TCP11L1: variants seen among roughly 807,000 people sequenced by gnomAD.
TCP11L1 encodes the protein t-complex 11 like 1.
Under a neutral mutation model 48.9 loss-of-function variants are expected in TCP11L1, and 28 were observed. The ratio of observed to expected loss-of-function variants is 0.57; its 90% CI spans 0.42 to 0.78. The LOEUF (loss-of-function observed/expected upper bound fraction) is 0.78. TCP11L1 is among the 30% of genes least tolerant of loss of function. The probability of loss-of-function intolerance (pLI) is 0.00; values close to 1 mark genes in which losing one functional copy is unlikely to be tolerated. For missense variants in TCP11L1, 505 were observed against 613.4 expected (o/e 0.82, Z 1.87); for synonymous variants, 204 against 231.9 (o/e 0.88, Z 1.09).
intron 1 of TCP11L1, among the ~76,000 whole-genome samples, chr11:33,042,630 A>G (rs1248647878): frequency 6.6e-6 from 1 of 152,146 alleles, no homozygotes; most frequent in Non-Finnish European, 1.5e-5. Flanking sequence ...CCTCTTAAAC[A>G]TTTCATAAGA....
At chr11:33,071,640 A>C (rs1189217489) in intron 9 of TCP11L1, among the ~76,000 whole-genome samples, 1 of 152,234 alleles carries the variant, frequency 6.6e-6, no homozygotes, top group Admixed American at 6.5e-5. Context: ...ACTTCCATGC[A>C]GGCATCAGAG....
At chr11:33,062,298 T>TC (rs1854490537) in intron 7 of TCP11L1, among the ~76,000 whole-genome samples, 3 of 113,814 alleles carry the variant, frequency 2.6e-5, no homozygotes, top group Non-Finnish European at 3.6e-5. Context: ...GTCACTGCCC[T>TC]CCCCCCCTCC....
chr11:33,042,063 A>G (rs1365511557), intron 1 of TCP11L1, among the ~76,000 whole-genome samples: 1 of 152,214 alleles, frequency 6.6e-6, no homozygotes, highest in African/African-American at 2.4e-5. Context: ...TCCCAGAAAC[A>G]CCCTAGGAAA....
rs184043669 is a variant in TCP11L1 at position 33,050,798 on chromosome 11, G to A, written c.164-3795G>A. On this transcript the variant is annotated intron_variant, in intron 2 of 9. Coordinates refer to ENST00000334274, the MANE Select transcript of TCP11L1 (RefSeq NM_018393.4). ...AGAAATCTTTGCCTAATCCAAGATC[G>A]CAAAGATTTCTATCTGTGATTCTTT... Among the ~76,000 whole-genome samples, 39 of 150,366 alleles carry A rather than the reference G, an allele frequency of 2.6e-4. No homozygotes were observed. The East Asian group carries it at 7.5e-3, about 29-fold the overall frequency.
chr11:33,065,076 T>C, intron 7 of TCP11L1, among the ~76,000 whole-genome samples: 1 of 152,226 alleles, frequency 6.6e-6, no homozygotes, highest in East Asian at 1.9e-4. Flanking sequence ...TGGGAGGAGT[T>C]GGTGACCCTA....
intron 2 of TCP11L1, among the ~76,000 whole-genome samples, chr11:33,044,986 G>A (rs1437050868): frequency 1.3e-5 from 2 of 152,128 alleles, no homozygotes; most frequent in African/African-American, 4.8e-5. Flanking sequence ...TGCTTCACAG[G>A]TAATAAATGC....
rs1383858009 is a variant in TCP11L1 at position 33,043,880 on chromosome 11, T to TA, written c.108dup (p.Gln37ThrfsTer20). ...GCTGTGGAAGGTGCTGATGAAGCCT[T>TA]ACAAAAAGCAATAAAGTCAGACTCC... is the stretch of plus-strand genomic sequence containing the variant. On this transcript the variant is annotated frameshift_variant, in exon 2 of 10. Transcript: ENST00000334274. LOFTEE classifies it high-confidence loss of function. 1.2e-6 allele frequency: 2 copies of TA among 1,613,568 alleles called. No individual in the cohort carries two copies. Among genetic ancestry groups the TA allele is most frequent in the Non-Finnish European group, 1.7e-6 (2 of 1,179,840 alleles).
chr11:33,052,482 C>CT (rs1854189954), intron 2 of TCP11L1, among the ~76,000 whole-genome samples: 2 of 134,006 alleles, frequency 1.5e-5, no homozygotes, highest in African/African-American at 2.7e-5. Flanking sequence ...TTTTTTTTTT[C>CT]TTTTTTTTGG....
At chr11:33,063,664 C>T (rs1854528991) in intron 7 of TCP11L1, among the ~76,000 whole-genome samples, 1 of 152,236 alleles carries the variant, frequency 6.6e-6, no homozygotes, top group Admixed American at 6.5e-5. Flanking sequence ...CCCAGTGTTT[C>T]TCTAAATAGC....
At chr11:33,041,990 T>C (rs1477554121) in intron 1 of TCP11L1, among the ~76,000 whole-genome samples, 1 of 152,222 alleles carries the variant, frequency 6.6e-6, no homozygotes, top group Non-Finnish European at 1.5e-5. Context: ...TTTTGTGATC[T>C]TCAAGTGCTG....
chr11:33,043,167 G>A (rs146373668), intron 1 of TCP11L1, among the ~76,000 whole-genome samples: 35 of 152,214 alleles, frequency 2.3e-4, no homozygotes, highest in Admixed American at 7.9e-4. Flanking sequence ...CCTAGCAGGC[G>A]GAGGATGCAG....
intron 2 of TCP11L1, among the ~76,000 whole-genome samples, chr11:33,053,184 G>A (rs1027115072): frequency 5.1e-5 from 7 of 137,920 alleles, no homozygotes; most frequent in African/African-American, 1.9e-4. Context: ...TTCCTCTGTC[G>A]CCCAGGCTGG....
intron 6 of TCP11L1, among the ~76,000 whole-genome samples, chr11:33,061,113 G>C (rs1417632398): frequency 6.6e-6 from 1 of 152,132 alleles, no homozygotes; most frequent in African/African-American, 2.4e-5. Context: ...GTGCCACCAT[G>C]CCCAGCTAAT....
Position 33,043,760 on chromosome 11 carries a change from A to C in TCP11L1, c.-14A>C. On this transcript the variant is annotated 5_prime_UTR_variant, in exon 2 of 10. Coordinates refer to ENST00000334274, the MANE Select transcript of TCP11L1 (RefSeq NM_018393.4). ...TTTTTTCTTTCCTAGGAAAGTGAATAAACTTAATTGAGAATGTCTGAAAAC... is the reference window on the plus strand; with the variant it reads ...TTTTTTCTTTCCTAGGAAAGTGAATCAACTTAATTGAGAATGTCTGAAAAC... 6.3e-7 allele frequency: 1 copy of C among 1,589,576 alleles called. No homozygotes were observed. Among genetic ancestry groups the C allele is most frequent in the Non-Finnish European group, 8.5e-7 (1 of 1,171,882 alleles).
chr11:33,050,733 A>T (rs773397538), intron 2 of TCP11L1, among the ~76,000 whole-genome samples: 1 of 152,086 alleles, frequency 6.6e-6, no homozygotes, highest in Admixed American at 6.6e-5. Flanking sequence ...CAAATTATCC[A>T]TTTTTTATTT....
chr11:33,054,207 TA>T (rs1226580413), intron 2 of TCP11L1, among the ~76,000 whole-genome samples: 3 of 151,988 alleles, frequency 2.0e-5, no homozygotes, highest in African/African-American at 7.2e-5. Context: ...GAGAAGATCT[TA>T]AATCTGGTGT....
chr11:33,061,420 T>C lies in TCP11L1; in HGVS notation c.776-110T>C, dbSNP rs1372866471. 4 of 1,095,062 alleles carry C rather than the reference T, an allele frequency of 3.7e-6. No homozygotes were observed. In the African/African-American group the frequency reaches 4.8e-5, roughly 13 times the overall value. The allele number at this position is 1,095,062 out of a possible 1,614,324, so 67.8% of individuals were successfully genotyped here. A position where few individuals can be genotyped will look rare whatever the true frequency, so the allele number is the denominator to read the frequency against. ...TCCAAGTTTTATTTGATTCCAAAGTTCATACTTTATACTTTATCACTCCAC... is the reference window on the plus strand; with the variant it reads ...TCCAAGTTTTATTTGATTCCAAAGTCCATACTTTATACTTTATCACTCCAC... On this transcript the variant is annotated intron_variant, in intron 6 of 9. Coordinates refer to ENST00000334274, the MANE Select transcript of TCP11L1 (RefSeq NM_018393.4).
intron 2 of TCP11L1, among the ~76,000 whole-genome samples, chr11:33,052,175 A>G (rs1854179470): frequency 6.6e-6 from 1 of 152,194 alleles, no homozygotes. Flanking sequence ...AATCTCTACA[A>G]CAAGCCCCCG....
chr11:33,062,619 A>G (rs73489433), intron 7 of TCP11L1, among the ~76,000 whole-genome samples: 21,794 of 152,040 alleles, frequency 0.14, 1,675 homozygotes, highest in Middle Eastern at 0.22. Flanking sequence ...AAACATTTTC[A>G]TTTTTCCTTC....
Sources: gnomAD v4.1 joint callset for allele counts (sites outside exome capture counted in the v4.1 genomes callset) on GRCh38, gnomAD v4.1.1 for gene constraint, MANE v1.5 for transcripts, NCBI Gene and HGNC (gene_info 2026-07-23, HGNC 2026-07-21) for gene names.